ZNF831: variants seen among roughly 807,000 people sequenced by gnomAD.
ZNF831 encodes chromosome 20 open reading frame 174.
ZNF831 carries 59 observed loss-of-function variants against 95.8 expected under a neutral mutation model. That is an observed-to-expected ratio of 0.62 (90% confidence interval 0.50 to 0.77). ZNF831 has a LOEUF of 0.77. ZNF831 is among the 30% of genes least tolerant of loss of function. The pLI is 0.00. For synonymous variants in ZNF831, 961 were observed against 925.5 expected (o/e 1.04, Z -0.70); for missense variants, 2,205 against 2,164.0 (o/e 1.02, Z -0.38).
chr20:59,167,506 C>T (rs1388051937), intron 1 of ZNF831, among the ~76,000 whole-genome samples: 1 of 151,210 alleles, frequency 6.6e-6, no homozygotes, highest in South Asian at 2.1e-4. Context: ...TGTTTCAAGT[C>T]TAGGAACTCT....
chr20:59,182,048 T>A (rs1794651918), intron 1 of ZNF831, among the ~76,000 whole-genome samples: 1 of 152,198 alleles, frequency 6.6e-6, no homozygotes, highest in Admixed American at 6.5e-5. Context: ...CTGGAAGGAA[T>A]ATACTTCTCA....
At chr20:59,127,924 G>GC (rs1377392011) in intron 1 of ZNF831, among the ~76,000 whole-genome samples, 3 of 152,216 alleles carry the variant, frequency 2.0e-5, no homozygotes, top group Admixed American at 6.5e-5. Context: ...TCAGGGCAGT[G>GC]CCCATATGGT....
chr20:59,247,915 A>C (rs1044255406), intron 4 of ZNF831, among the ~76,000 whole-genome samples: 3 of 152,238 alleles, frequency 2.0e-5, no homozygotes, highest in Admixed American at 6.5e-5. Flanking sequence ...TTTGGCATTA[A>C]AGATGTCTAC....
intron 1 of ZNF831, among the ~76,000 whole-genome samples, chr20:59,166,526 A>G (rs1450711405): frequency 6.6e-6 from 1 of 152,164 alleles, no homozygotes; most frequent in East Asian, 1.9e-4. Flanking sequence ...CATTTCTGTC[A>G]CCGCAAGGAT....
chr20:59,230,115 A>G (rs564680296), intron 4 of ZNF831, among the ~76,000 whole-genome samples: 1 of 152,334 alleles, frequency 6.6e-6, no homozygotes, highest in East Asian at 1.9e-4. Flanking sequence ...TTAAGTGAAA[A>G]AAGGAATTCA....
chr20:59,254,629 AG>A lies in ZNF831; in HGVS notation c.4921del (p.Ala1641ProfsTer14). ...KPEQPIEIPE[A>X]PSKSLKKRSL... ...CAGAGCAGCCCATAGAAATTCCTGA[AG>A]CCCCTTCTAAATCCCTCAAGAAGAG... On this transcript the variant is annotated frameshift_variant, in exon 6 of 6. Transcript: ENST00000371030. LOFTEE classifies it high-confidence loss of function. The surrounding 1 kb of genome is among the most constrained non-coding windows in gnomAD (Gnocchi z 4.5). The A allele has an allele frequency of 1.2e-6, 2 of 1,614,106 alleles. No individual in the cohort carries two copies. The highest frequency in any genetic ancestry group is 1.7e-6 in the Non-Finnish European group (2 of 1,180,046).
upstream of ZNF831, among the ~76,000 whole-genome samples, chr20:59,162,204 G>T (rs1339192637): frequency 1.3e-5 from 2 of 152,150 alleles, no homozygotes; most frequent in Admixed American, 1.3e-4. Context: ...TCCATAGGTT[G>T]TCTGTTTACA....
At chr20:59,244,794 T>C (rs1189905296) in intron 4 of ZNF831, among the ~76,000 whole-genome samples, 1 of 152,244 alleles carries the variant, frequency 6.6e-6, no homozygotes, top group Non-Finnish European at 1.5e-5. Flanking sequence ...CCGATACGTA[T>C]ATAGATTGTT....
At chr20:59,161,743 G>A (rs1980881191), upstream of ZNF831, among the ~76,000 whole-genome samples, 1 of 152,168 alleles carries the variant, frequency 6.6e-6, no homozygotes, top group South Asian at 2.1e-4. Context: ...GTGTCTTTTT[G>A]GTAGAATGAT....
chr20:59,253,865 C>CCA (rs1555837592), intron 5 of ZNF831, 33 bp from the exon 6 acceptor site: 1 of 1,131,762 alleles, frequency 8.8e-7, no homozygotes, highest in Admixed American at 2.3e-5. Flanking sequence ...AACCTCCCCC[C>CCA]CCACTTTTTT....
chr20:59,199,642 T>C (rs1984388132), intron 3 of ZNF831, among the ~76,000 whole-genome samples: 1 of 152,166 alleles, frequency 6.6e-6, no homozygotes, highest in African/African-American at 2.4e-5. Flanking sequence ...CTAATATTTG[T>C]TGTTATCAGA....
chr20:59,137,734 C>A (rs1979554202), intron 1 of ZNF831, among the ~76,000 whole-genome samples: 1 of 152,206 alleles, frequency 6.6e-6, no homozygotes, highest in Non-Finnish European at 1.5e-5. Context: ...TTTATAGCAA[C>A]CAGCACTGGG....
chr20:59,180,798 A>C (rs921093889), intron 1 of ZNF831, among the ~76,000 whole-genome samples: 1 of 152,184 alleles, frequency 6.6e-6, no homozygotes, highest in African/African-American at 2.4e-5. Flanking sequence ...GGTTGGTTCC[A>C]AGTCTTTGCT....
chr20:59,157,234 C>G (rs1165025341), intron 2 of ZNF831, among the ~76,000 whole-genome samples: 2 of 152,218 alleles, frequency 1.3e-5, no homozygotes, highest in African/African-American at 4.8e-5. Flanking sequence ...ACCCTCTTAT[C>G]TCTGTGAGTT....
Position 59,208,025 on chromosome 20 carries a change from A to G in ZNF831, c.4027+969A>G, listed in dbSNP as rs963988772. The stretch of plus-strand genomic sequence containing the variant: ...AGAGCCTTCCAGGGTAGGCAAGGAC[A>G]TGGAGTAGTCTTGTTTCCCAGAGAG... On this transcript the variant is annotated intron_variant, in intron 4 of 5. Coordinates refer to ENST00000371030, the MANE Select transcript of ZNF831 (RefSeq NM_178457.3). This position sits in a 1 kb window ranked among gnomAD's most constrained non-coding sequence, Gnocchi z 4.2. 3.9e-5 allele frequency among the ~76,000 whole-genome samples: 6 copies of G among 152,266 alleles called. No homozygotes were observed. Among genetic ancestry groups the G allele is most frequent in the African/African-American group, 7.2e-5 (3 of 41,472 alleles).
intron 4 of ZNF831, among the ~76,000 whole-genome samples, chr20:59,249,633 G>A (rs1464131790): frequency 6.6e-6 from 1 of 152,104 alleles, no homozygotes; most frequent in Non-Finnish European, 1.5e-5. Flanking sequence ...TGAGTACACG[G>A]GAGGGTCAAG....
intron 1 of ZNF831, among the ~76,000 whole-genome samples, chr20:59,136,848 T>C (rs1354025306): frequency 1.3e-5 from 2 of 152,228 alleles, no homozygotes; most frequent in Admixed American, 6.5e-5. Context: ...AAATAAAACT[T>C]TCTACCTTCT....
intron 1 of ZNF831, 111 bp from the exon 2 acceptor site, chr20:59,190,873 G>A: frequency 2.1e-6 from 2 of 936,430 alleles, no homozygotes; most frequent in Non-Finnish European, 2.9e-6. Context: ...ATTCCTTAGG[G>A]GATTGTCAGG....
intron 2 of ZNF831, among the ~76,000 whole-genome samples, chr20:59,148,929 T>C (rs977659026): frequency 1.3e-5 from 2 of 152,100 alleles, no homozygotes; most frequent in Non-Finnish European, 2.9e-5. Context: ...GAGCATCTTG[T>C]GCCTTGGAGA....
Sources: gnomAD v4.1 joint callset for allele counts (sites outside exome capture counted in the v4.1 genomes callset) on GRCh38, gnomAD v4.1.1 for gene constraint, Gnocchi (gnomAD v3.1) non-coding constraint, MANE v1.5 for transcripts, NCBI Gene and HGNC (gene_info 2026-07-23, HGNC 2026-07-21) for gene names.